MAP2K4: variants seen among roughly 807,000 people sequenced by gnomAD.
MAP2K4 encodes mitogen-activated protein kinase kinase 4.
MAP2K4 carries 4 observed loss-of-function variants against 48.5 expected under a neutral mutation model. That is an observed-to-expected ratio of 0.08 (90% CI 0.04 to 0.19). MAP2K4 has a LOEUF of 0.19. Ranked by LOEUF, MAP2K4 falls within the 10% of genes least tolerant of loss-of-function variation. The pLI is 1.00. For missense variants in MAP2K4, 258 were observed against 493.3 expected, an observed-to-expected ratio of 0.52 and a Z score of 4.52; for synonymous variants, 166 against 173.1, an observed-to-expected ratio of 0.96 and a Z score of 0.32.
chr17:12,107,244 A>G (rs1390500349), intron 4 of MAP2K4, among the ~76,000 whole-genome samples: 2 of 152,108 alleles, frequency 1.3e-5, no homozygotes, highest in Non-Finnish European at 2.9e-5. Context: ...TGAAGGCTTT[A>G]CAGAACAGAG....
chr17:12,054,132 A>G (rs1567635438), intron 1 of MAP2K4, among the ~76,000 whole-genome samples: 1 of 152,192 alleles, frequency 6.6e-6, no homozygotes, highest in Non-Finnish European at 1.5e-5. Context: ...ATTGTAGTGA[A>G]AAAATACATG....
intron 2 of MAP2K4, among the ~76,000 whole-genome samples, chr17:12,064,260 T>A (rs988573375): frequency 1.3e-5 from 2 of 152,084 alleles, no homozygotes; most frequent in Non-Finnish European, 2.9e-5. Flanking sequence ...TTTAAAAAAA[T>A]TTTTTGTAGA....
chr17:12,032,731 A>G (rs1203791552), intron 1 of MAP2K4, among the ~76,000 whole-genome samples: 1 of 152,192 alleles, frequency 6.6e-6, no homozygotes, highest in African/African-American at 2.4e-5. Flanking sequence ...TTTCTTTAAA[A>G]CAAAACAGTG....
chr17:12,074,236 C>G (rs530437322), intron 2 of MAP2K4, among the ~76,000 whole-genome samples: 13 of 152,070 alleles, frequency 8.5e-5, no homozygotes, highest in African/African-American at 2.9e-4. Flanking sequence ...TGGTCAGTTG[C>G]AATTGATTGA....
Position 12,072,075 on chromosome 17 carries a change from T to C in MAP2K4, c.219-9281T>C, listed in dbSNP as rs557243641. On this transcript the variant is annotated intron_variant, in intron 2 of 10. Coordinates refer to ENST00000353533, the MANE Select transcript of MAP2K4 (RefSeq NM_003010.4). ...CTGGAGCTGCAGAGAAAAGCCACCTTATATTGCCTATATTCTCACCTGCGC... is the reference window on the plus strand; with the variant it reads ...CTGGAGCTGCAGAGAAAAGCCACCTCATATTGCCTATATTCTCACCTGCGC... 9.2e-5 allele frequency among the ~76,000 whole-genome samples: 14 copies of C among 152,318 alleles called. No individual in the cohort carries two copies. The South Asian group carries it at 2.9e-3, about 32-fold the overall frequency.
chr17:12,062,960 A>G (rs1970499514), intron 2 of MAP2K4, among the ~76,000 whole-genome samples: 1 of 136,714 alleles, frequency 7.3e-6, no homozygotes, highest in Non-Finnish European at 1.5e-5. Flanking sequence ...TTTTCCTTGT[A>G]GTTTGCTCTC....
In MAP2K4 at chr17:12,143,706, G is replaced by T. The variant is rs1213267304; in HGVS notation, c.*2446G>T. 1 of 230,608 alleles carries T rather than the reference G, an allele frequency of 4.3e-6. No individual in the cohort carries two copies. Among genetic ancestry groups the T allele is most frequent in the Admixed American group, 5.6e-5 (1 of 17,728 alleles). 14.3% of individuals were successfully genotyped at this position (230,608 alleles called of 1,614,324 possible). A position where few individuals can be genotyped will look rare whatever the true frequency, so the allele number is the denominator to read the frequency against. ...GTTCTATCCTTTTGCCTGCAGGTCA[G>T]TTGTAATAAATCTAGGATGTGATGA... On this transcript the variant is annotated 3_prime_UTR_variant, in exon 11 of 11. Transcript: ENST00000353533.
At chr17:12,114,978 C>T (rs1217941937) in intron 7 of MAP2K4, among the ~76,000 whole-genome samples, 1 of 152,186 alleles carries the variant, frequency 6.6e-6, no homozygotes, top group African/African-American at 2.4e-5. Flanking sequence ...TGTCCATTCT[C>T]ATCTTTCAAA....
At chr17:12,093,749 C>T (rs1442751506) in intron 3 of MAP2K4, among the ~76,000 whole-genome samples, 1 of 152,106 alleles carries the variant, frequency 6.6e-6, no homozygotes, top group Non-Finnish European at 1.5e-5. Flanking sequence ...GATTTTTCTT[C>T]TCTACTTGTC....
intron 1 of MAP2K4, among the ~76,000 whole-genome samples, chr17:12,031,851 T>C (rs1385932818): frequency 6.6e-6 from 1 of 152,222 alleles, no homozygotes; most frequent in African/African-American, 2.4e-5. Flanking sequence ...TTTTGCATCA[T>C]AGATGGTAAT....
At chr17:12,095,906 TG>T (rs1971728965) in intron 4 of MAP2K4, among the ~76,000 whole-genome samples, 1 of 139,780 alleles carries the variant, frequency 7.2e-6, no homozygotes, top group Non-Finnish European at 1.5e-5. Context: ...TGTGTGTGTG[TG>T]TGTGTGTGTG....
intron 2 of MAP2K4, among the ~76,000 whole-genome samples, chr17:12,068,022 T>C (rs1970671216): frequency 6.6e-6 from 1 of 152,218 alleles, no homozygotes; most frequent in South Asian, 2.1e-4. Flanking sequence ...TGAGTTTTAC[T>C]AGATTTGGGG....
chr17:12,025,695 G>A (rs1160686757), intron 1 of MAP2K4, among the ~76,000 whole-genome samples: 2 of 152,168 alleles, frequency 1.3e-5, no homozygotes, highest in Non-Finnish European at 2.9e-5. Flanking sequence ...TAAGTAGAAA[G>A]ATGATAGCTT....
chr17:12,028,520 G>A (rs1018346500), intron 1 of MAP2K4, among the ~76,000 whole-genome samples: 2 of 152,220 alleles, frequency 1.3e-5, no homozygotes, highest in Admixed American at 6.5e-5. Context: ...GAGCCATAAT[G>A]ATATACTATG....
At chr17:12,025,451 T>G (rs933491093) in intron 1 of MAP2K4, among the ~76,000 whole-genome samples, 4 of 152,218 alleles carry the variant, frequency 2.6e-5, no homozygotes, top group South Asian at 2.1e-4. Context: ...CAAAGATCGC[T>G]TAGCTGAGAA....
At chr17:12,074,667 G>T (rs28922870) in intron 2 of MAP2K4, among the ~76,000 whole-genome samples, 1 of 152,084 alleles carries the variant, frequency 6.6e-6, no homozygotes, top group Admixed American at 6.6e-5. Context: ...CATATCGGTG[G>T]GGTTCTCTTT....
At chr17:12,069,454 T>G (rs999790807) in intron 2 of MAP2K4, among the ~76,000 whole-genome samples, 4 of 152,176 alleles carry the variant, frequency 2.6e-5, no homozygotes, top group African/African-American at 9.7e-5. Context: ...TTGTCCTCTT[T>G]AATGTTACTC....
rs1338127847 is a variant in MAP2K4, at chr17:12,056,051, G to A, written c.218+1060G>A. Among the ~76,000 whole-genome samples the A allele has an allele frequency of 3.9e-5, 6 of 152,128 alleles. 1 individual carries two copies. The South Asian group carries it at 6.2e-4, about 16-fold the overall frequency. ...AAGGAAACTTAGTACTTATTAATTA[G>A]TCAGAATTTCAGCAGCAAGGAAACA... On this transcript the variant is annotated intron_variant, in intron 2 of 10. Coordinates refer to ENST00000353533, the MANE Select transcript of MAP2K4 (RefSeq NM_003010.4).
chr17:12,105,876 C>T (rs1972093357), intron 4 of MAP2K4, among the ~76,000 whole-genome samples: 2 of 152,076 alleles, frequency 1.3e-5, no homozygotes, highest in Admixed American at 1.3e-4. Context: ...CCATCTTTCT[C>T]TTTTATTTGC....
Sources: allele counts gnomAD v4.1 joint callset (sites outside exome capture counted in the v4.1 genomes callset), GRCh38; gene constraint gnomAD v4.1.1; transcripts MANE v1.5; gene names NCBI Gene and HGNC (gene_info 2026-07-23, HGNC 2026-07-21).